BTBD9: variants seen among roughly 807,000 people sequenced by gnomAD.
BTBD9 encodes the protein BTB domain containing 9.
Under a neutral mutation model 64.3 loss-of-function variants are expected in BTBD9, and 49 were observed. The ratio of observed to expected loss-of-function variants is 0.76; its 90% CI spans 0.61 to 0.97. The LOEUF is 0.97. Among genes scored for constraint, BTBD9 ranks in the 50% least tolerant of loss-of-function variants. BTBD9 has a pLI of 0.00. For synonymous variants in BTBD9, 260 were observed against 274.7 expected (o/e 0.95, Z 0.53); for missense variants, 598 against 762.1 (o/e 0.78, Z 2.53).
intron 9 of BTBD9, among the ~76,000 whole-genome samples, chr6:38,232,437 A>T (rs931022049): frequency 1.6e-4 from 24 of 151,768 alleles, no homozygotes; most frequent in African/African-American, 5.8e-4. Flanking sequence ...CGCCCGGCTA[A>T]TTTTTTGTAT....
At chr6:38,439,079 G>A (rs1005298774) in intron 6 of BTBD9, among the ~76,000 whole-genome samples, 1 of 147,534 alleles carries the variant, frequency 6.8e-6, no homozygotes, top group African/African-American at 2.5e-5. Context: ...ACCTGATAAT[G>A]TGGGGTCTTG....
At chr6:38,596,788 G>T (rs933486319) in intron 2 of BTBD9, among the ~76,000 whole-genome samples, 7 of 138,640 alleles carry the variant, frequency 5.0e-5, no homozygotes, top group African/African-American at 1.9e-4. Flanking sequence ...GCGACAGAGT[G>T]AGACTCCGTC....
Position 38,374,307 on chromosome 6 carries a change from G to GTATATATATATATGTGTATA in BTBD9, c.1155-29215_1155-29214insTATACACATATATATATATA, listed in dbSNP as rs1582317684. Among the ~76,000 whole-genome samples the GTATATATATATATGTGTATA allele has an allele frequency of 1.6e-3, 92 of 59,088 alleles. 3 individuals are homozygous for GTATATATATATATGTGTATA. Among genetic ancestry groups the GTATATATATATATGTGTATA allele is most frequent in the African/African-American group, 7.1e-3 (89 of 12,608 alleles). 38.8% of individuals were successfully genotyped at this position (59,088 alleles called of 152,430 possible). ...AGTATATATATATATGTATATATATGTATATATATATATATATATGTATAT... is the reference window on the plus strand; with the variant it reads ...AGTATATATATATATGTATATATATGTATATATATATATGTGTATATATATATATATATATATATGTATAT... On this transcript the variant is annotated intron_variant, in intron 6 of 10. Coordinates refer to ENST00000481247, the MANE Select transcript of BTBD9 (RefSeq NM_001099272.2).
chr6:38,581,774 T>A (rs566464713), intron 4 of BTBD9, among the ~76,000 whole-genome samples: 1 of 152,304 alleles, frequency 6.6e-6, no homozygotes, highest in African/African-American at 2.4e-5. Flanking sequence ...ACCATATCTA[T>A]CCCCCAGGTG....
intron 9 of BTBD9, among the ~76,000 whole-genome samples, chr6:38,218,937 T>C (rs1055423026): frequency 6.6e-6 from 1 of 152,104 alleles, no homozygotes; most frequent in Non-Finnish European, 1.5e-5. Context: ...CCATCTCCAG[T>C]ATACTTTTTT....
rs529138890 is a variant in BTBD9, at chr6:38,181,936, C to T, written c.1642-6754G>A. On this transcript the variant is annotated intron_variant, in intron 10 of 10. Transcript: ENST00000481247. The stretch of plus-strand genomic sequence containing the variant: ...GTGGGAGGCGGAAGTTGCAGTGAGC[C>T]GAGATCGCGCCACTGCACTCCAGCC... 7.2e-5 allele frequency among the ~76,000 whole-genome samples: 11 copies of T among 152,224 alleles called. No homozygotes were observed. The East Asian group carries it at 7.7e-4, about 11-fold the overall frequency.
rs781036301 is a variant in BTBD9 at position 38,175,134 on chromosome 6, T to C, written c.1690A>G (p.Lys564Glu). 4.4e-5 allele frequency: 71 copies of C among 1,614,116 alleles called. No homozygotes were observed. Among genetic ancestry groups the C allele is most frequent in the African/African-American group, 8.0e-5 (6 of 75,054 alleles). ...FECPEQQSSQ[K>E]EENSEESGTG... ...CCCGATTCCTCACTATTTTCCTCCT[T>C]CTGGCTGCTCTGCTGCTCTGGACAC... The change falls in exon 11 of 11, where the codon AAG becomes GAG. Residue 564 changes from lysine to glutamate, a missense_variant. Coordinates refer to ENST00000481247, the MANE Select transcript of BTBD9 (RefSeq NM_001099272.2).
intron 8 of BTBD9, among the ~76,000 whole-genome samples, chr6:38,271,138 C>T (rs991619812): frequency 2.0e-5 from 3 of 152,124 alleles, no homozygotes; most frequent in African/African-American, 7.2e-5. Flanking sequence ...TATTCTTTAG[C>T]AGCAGAATCT....
At chr6:38,211,391 T>C (rs1414576085) in intron 9 of BTBD9, among the ~76,000 whole-genome samples, 1 of 147,900 alleles carries the variant, frequency 6.8e-6, no homozygotes, top group Non-Finnish European at 1.5e-5. Context: ...ATAGCACCAC[T>C]GCACTCCAGC....
chr6:38,217,514 G>T (rs1159755759), intron 9 of BTBD9, among the ~76,000 whole-genome samples: 1 of 151,884 alleles, frequency 6.6e-6, no homozygotes, highest in Non-Finnish European at 1.5e-5. Flanking sequence ...GGGCAAGAAG[G>T]TTCCAAATGC....
intron 6 of BTBD9, among the ~76,000 whole-genome samples, chr6:38,576,172 G>A (rs1310039127): frequency 2.6e-5 from 4 of 152,076 alleles, no homozygotes; most frequent in African/African-American, 9.7e-5. Flanking sequence ...GTTTTAATCA[G>A]ATACAACAGT....
intron 7 of BTBD9, among the ~76,000 whole-genome samples, chr6:38,321,007 C>T (rs1763212759): frequency 6.6e-6 from 1 of 152,168 alleles, no homozygotes; most frequent in South Asian, 2.1e-4. Flanking sequence ...TTGCTGGGGA[C>T]AGCAATTTCT....
rs1264911656 is a variant in BTBD9 at position 38,598,041 on chromosome 6, A to G, written c.54T>C (p.His18=). ...CAATATGTTCAGACAAAATGTGCAC[A>G]TGATCAATTTCCCCCACTGCAGTAA... ...RPFTAVGEID[H]VHILSEHIGA... is the part of the protein sequence containing the mutation. Residue 18 remains histidine (H), a synonymous_variant, in exon 2 of 11, where the codon CAT becomes CAC. Coordinates refer to ENST00000481247, the MANE Select transcript of BTBD9 (RefSeq NM_001099272.2). 2.5e-6 allele frequency: 4 copies of G among 1,613,888 alleles called. No individual in the cohort carries two copies. The highest frequency in any genetic ancestry group is 3.4e-6 in the Non-Finnish European group (4 of 1,179,880).
chr6:38,588,140 GGTATTCA>G, intron 4 of BTBD9: 1 of 752,280 alleles, frequency 1.3e-6, no homozygotes, highest in Non-Finnish European at 2.5e-6. Context: ...TCAACAGTAT[GGTATTCA>G]GTATTCAAAA....
At chr6:38,611,059 C>A (rs1777602831) in intron 1 of BTBD9, among the ~76,000 whole-genome samples, 1 of 152,034 alleles carries the variant, frequency 6.6e-6, no homozygotes, top group Non-Finnish European at 1.5e-5. Flanking sequence ...CATAAGCAAG[C>A]AGACCTCATA....
At chr6:38,251,378 C>T (rs1764396823) in intron 9 of BTBD9, among the ~76,000 whole-genome samples, 1 of 150,112 alleles carries the variant, frequency 6.7e-6, no homozygotes, top group South Asian at 2.1e-4. Context: ...AATTCTCCTG[C>T]CTCAGCCTCC....
chr6:38,540,938 A>C (rs1037724203), intron 6 of BTBD9, among the ~76,000 whole-genome samples: 17 of 152,232 alleles, frequency 1.1e-4, no homozygotes, highest in African/African-American at 4.1e-4. Flanking sequence ...GAGTGGCAAT[A>C]CTTTATACAC....
intron 6 of BTBD9, among the ~76,000 whole-genome samples, chr6:38,525,084 C>T (rs1035078501): frequency 1.3e-5 from 2 of 152,142 alleles, no homozygotes; most frequent in African/African-American, 4.8e-5. Context: ...ACGATCAGCA[C>T]TGATATGGTT....
intron 1 of BTBD9, among the ~76,000 whole-genome samples, chr6:38,611,197 A>G (rs1438275116): frequency 6.6e-6 from 1 of 152,190 alleles, no homozygotes; most frequent in Non-Finnish European, 1.5e-5. Context: ...AAACACAGAC[A>G]TAGAAAAAAG....
Sources: allele counts gnomAD v4.1 joint callset (sites outside exome capture counted in the v4.1 genomes callset), GRCh38; gene constraint gnomAD v4.1.1; transcripts MANE v1.5; gene names NCBI Gene and HGNC (gene_info 2026-07-23, HGNC 2026-07-21).